The following TRAPPC11 variants were observed in gnomAD, a reference collection of about 807,000 sequenced individuals.
TRAPPC11 encodes the protein foie gras homolog.
TRAPPC11 carries 104 observed loss-of-function variants against 151.2 expected under a neutral mutation model. The observed-to-expected ratio is 0.69, with a 90% CI of 0.59 to 0.81. The LOEUF (loss-of-function observed/expected upper bound fraction) is 0.81, where lower values mean the gene tolerates loss of function less well. TRAPPC11 is among the 30% of genes least tolerant of loss of function. The pLI, the probability that TRAPPC11 is intolerant of heterozygous loss-of-function variation, is 0.00. For missense variants in TRAPPC11, 1,230 were observed against 1,349.6 expected (o/e 0.91, Z 1.39); for synonymous variants, 456 against 472.3 (o/e 0.97, Z 0.45).
intron 29 of TRAPPC11, among the ~76,000 whole-genome samples, chr4:183,709,097 A>G (rs1403282068): frequency 6.6e-6 from 1 of 152,132 alleles, no homozygotes; most frequent in East Asian, 1.9e-4. Context: ...AATTTAGCTC[A>G]GCAGCCCACC....
intron 4 of TRAPPC11, 38 bp from the exon 5 acceptor site, chr4:183,667,965 T>C (rs766794406): frequency 7.9e-7 from 1 of 1,271,860 alleles, no homozygotes. Flanking sequence ...ACATTAGTTA[T>C]TTTATTTCTC....
intron 5 of TRAPPC11, among the ~76,000 whole-genome samples, chr4:183,671,242 A>T (rs1460474168): frequency 6.6e-6 from 1 of 152,220 alleles, no homozygotes; most frequent in Admixed American, 6.5e-5. Flanking sequence ...GTTGTTAAAA[A>T]TACAAAACGA....
rs1561069723 is a variant in TRAPPC11 at position 183,712,864 on chromosome 4, A to G, written c.*220A>G. ...ATATCTGAAATCTCAGTACGACATG[A>G]AAGAATGTCAGACCATTGTTATTGT... is the stretch of plus-strand genomic sequence containing the variant. On this transcript the variant is annotated 3_prime_UTR_variant, in exon 30 of 30. Coordinates refer to ENST00000334690, the MANE Select transcript of TRAPPC11 (RefSeq NM_021942.6). The G allele has an allele frequency of 6.3e-6, 3 of 477,056 alleles. No homozygotes were observed. Among genetic ancestry groups the G allele is most frequent in the Non-Finnish European group, 3.7e-6 (1 of 271,328 alleles). 29.6% of individuals were successfully genotyped at this position (477,056 alleles called of 1,614,324 possible). A position where few individuals can be genotyped will look rare whatever the true frequency, so the allele number is the denominator to read the frequency against.
chr4:183,705,584 C>G (rs1055466121), intron 27 of TRAPPC11, among the ~76,000 whole-genome samples: 4 of 152,118 alleles, frequency 2.6e-5, no homozygotes, highest in African/African-American at 9.7e-5. Flanking sequence ...CTTCCAATAC[C>G]GCTTTCTCTA....
At position 183,708,528 on chromosome 4, in the gene TRAPPC11, C is replaced by G; in HGVS notation, c.3311C>G (p.Thr1104Arg). Residue 1104 changes from threonine (T) to arginine (R), a missense_variant, in exon 29 of 30, where the codon ACA becomes AGA. Coordinates refer to ENST00000334690, the MANE Select transcript of TRAPPC11 (RefSeq NM_021942.6). ...NINLLRFPNF[T>R]NQLLRRFIPT... ...AACTTGCTTAGATTTCCTAACTTCACAAATCAGCTGCTCAGGCGTTTTATA... is the reference window on the plus strand; with the variant it reads ...AACTTGCTTAGATTTCCTAACTTCAGAAATCAGCTGCTCAGGCGTTTTATA... The G allele has an allele frequency of 6.2e-7, 1 of 1,614,108 alleles. No homozygotes were observed. The highest frequency in any genetic ancestry group is 8.5e-7 in the Non-Finnish European group (1 of 1,179,980).
At chr4:183,686,966 G>A (rs1301957007) in intron 18 of TRAPPC11, among the ~76,000 whole-genome samples, 3 of 152,106 alleles carry the variant, frequency 2.0e-5, no homozygotes, top group African/African-American at 7.2e-5. Context: ...AGATCACAAG[G>A]TCAAGAGATC....
At position 183,668,940 on chromosome 4, in the gene TRAPPC11, G is replaced by A. The variant is rs1735014671; in HGVS notation, c.560+823G>A. ...CTCATGAACAGTTTTATTTATTTTTGAGTATTGCTTCTCTTGCATTTGTTT... is the reference window on the plus strand; with the variant it reads ...CTCATGAACAGTTTTATTTATTTTTAAGTATTGCTTCTCTTGCATTTGTTT... On this transcript the variant is annotated intron_variant, in intron 5 of 29. Transcript: ENST00000334690. Among the ~76,000 whole-genome samples the A allele has an allele frequency of 3.3e-5, 5 of 152,070 alleles. 1 individual carries two copies. The South Asian group carries it at 1.0e-3, about 32-fold the overall frequency.
At position 183,685,066 on chromosome 4, in the gene TRAPPC11, CTTCT is replaced by C. The variant is rs1262158905; in HGVS notation, c.1568-12_1568-9del. 1.0e-5 allele frequency: 16 copies of C among 1,607,730 alleles called. No individual in the cohort carries two copies. The highest frequency in any genetic ancestry group is 7.8e-5 in the South Asian group (7 of 90,078). Reference sequence around the variant, plus strand: ...ATTATAAGTACTTAAAATGTTTTTCCTTCTTTCTTCATACTAGCTTCAACTCTGA... The same window carrying C: ...ATTATAAGTACTTAAAATGTTTTTCCTTCTTCATACTAGCTTCAACTCTGA... On this transcript the variant is annotated splice_polypyrimidine_tract_variant and intron_variant, in intron 15 of 29. Coordinates refer to ENST00000334690, the MANE Select transcript of TRAPPC11 (RefSeq NM_021942.6).
chr4:183,682,806 A>C lies in TRAPPC11; in HGVS notation c.1188A>C (p.Ser396=). 1 of 1,613,292 alleles carries C rather than the reference A, an allele frequency of 6.2e-7. No homozygotes were observed. The highest frequency in any genetic ancestry group is 8.5e-7 in the Non-Finnish European group (1 of 1,179,262). The change falls in exon 11 of 30, where the codon TCA becomes TCC. Residue 396 remains serine (S), a synonymous_variant. Coordinates refer to ENST00000334690, the MANE Select transcript of TRAPPC11 (RefSeq NM_021942.6). ...TTCTTGACTTTTATGGACAAAGATC[A>C]TGGCGACAAGGAATACTAAGTAAAT... ...TGVLDFYGQR[S]WRQGILSFDL...
At chr4:183,686,890 T>C (rs1322029759) in intron 18 of TRAPPC11, 142 bp downstream of exon 18, 12 of 1,025,480 alleles carry the variant, frequency 1.2e-5, no homozygotes, top group African/African-American at 4.8e-5. Context: ...TTCAAAAATA[T>C]ATCTCCAGGG....
rs1735560636 is a variant in TRAPPC11, at chr4:183,679,332, G to C, written c.832-21G>C. 5.2e-6 allele frequency: 8 copies of C among 1,527,270 alleles called. No homozygotes were observed. In the South Asian group the frequency reaches 1.0e-4, roughly 20 times the overall value. The allele number at this position is 1,527,270 out of a possible 1,614,324, so 94.6% of individuals were successfully genotyped here. Reference sequence around the variant, plus strand: ...ACTTTCTTTTTTTCCTTTATTTTGGGATCAATTTTACATTTTGCAGATCTG... The same window carrying C: ...ACTTTCTTTTTTTCCTTTATTTTGGCATCAATTTTACATTTTGCAGATCTG... On this transcript the variant is annotated intron_variant, in intron 8 of 29. Coordinates refer to ENST00000334690, the MANE Select transcript of TRAPPC11 (RefSeq NM_021942.6).
chr4:183,667,053 A>T lies in TRAPPC11; in HGVS notation c.375-7A>T, dbSNP rs758790469. 6.3e-7 allele frequency: 1 copy of T among 1,589,276 alleles called. No individual in the cohort carries two copies. The highest frequency in any genetic ancestry group is 8.6e-7 in the Non-Finnish European group (1 of 1,163,790). ...TAATTAATTTTATTCTTGCTTTTTC[A>T]TTGCAGGCAAAGTTTACAAGGAAGA... On this transcript the variant is annotated splice_region_variant and splice_polypyrimidine_tract_variant and intron_variant, in intron 3 of 29. Transcript: ENST00000334690.
Position 183,686,719 on chromosome 4 carries a change from TC to T in TRAPPC11, c.1866del (p.Lys623SerfsTer16). The T allele has an allele frequency of 6.2e-7, 1 of 1,614,160 alleles. No homozygotes were observed. The highest frequency in any genetic ancestry group is 1.1e-5 in the South Asian group (1 of 91,080). On this transcript the variant is annotated frameshift_variant, in exon 18 of 30. Transcript: ENST00000334690. LOFTEE classifies it high-confidence loss of function. Reference protein sequence around the residue: ...KADCPHPIRFSKLCVSFNNQE... With the variant: ...KADCPHPIRFXKLCVSFNNQE... Reference sequence around the variant, plus strand: ...TGATTGTCCACATCCCATTAGGTTTTCCAAGCTCTGTGTCAGCTTTAATAAT... The same window carrying T: ...TGATTGTCCACATCCCATTAGGTTTTCAAGCTCTGTGTCAGCTTTAATAAT...
intron 5 of TRAPPC11, among the ~76,000 whole-genome samples, chr4:183,673,896 T>G (rs1246255533): frequency 2.6e-5 from 4 of 152,222 alleles, no homozygotes; most frequent in African/African-American, 9.6e-5. Context: ...TTCTTGTTCC[T>G]ATGTAAGTTA....
intron 5 of TRAPPC11, among the ~76,000 whole-genome samples, chr4:183,671,665 G>C (rs1444923338): frequency 6.6e-6 from 1 of 152,186 alleles, no homozygotes; most frequent in Non-Finnish European, 1.5e-5. Flanking sequence ...TAACTTAGAA[G>C]CTAGAATGTC....
intron 25 of TRAPPC11, chr4:183,700,714 T>C (rs1323162430): frequency 2.0e-5 from 3 of 152,218 alleles, no homozygotes; most frequent in Admixed American, 2.0e-4. Flanking sequence ...CCTGAAGTGT[T>C]TGGTACTAGA....
chr4:183,666,128 G>T, intron 2 of TRAPPC11, 129 bp from the exon 3 acceptor site: 1 of 745,854 alleles, frequency 1.3e-6, no homozygotes, highest in Middle Eastern at 4.1e-4. Flanking sequence ...CTGTAAGCCT[G>T]AGTTTCCTAA....
At chr4:183,662,750 TTATATTTTTCTTTCAA>T (rs1426951797) in intron 1 of TRAPPC11, among the ~76,000 whole-genome samples, 3 of 152,138 alleles carry the variant, frequency 2.0e-5, no homozygotes, top group Admixed American at 1.3e-4. Flanking sequence ...TGTTTTTCTT[TTATATTTTTCTTTCAA>T]TATATTTTTC....
chr4:183,661,369 T>C, intron 1 of TRAPPC11, among the ~76,000 whole-genome samples: 2 of 134,998 alleles, frequency 1.5e-5, no homozygotes, highest in South Asian at 4.9e-4. Flanking sequence ...ACCTTTTTTT[T>C]TTTTTTTTTT....
Sources: gnomAD v4.1 joint callset for allele counts (sites outside exome capture counted in the v4.1 genomes callset) on GRCh38, gnomAD v4.1.1 for gene constraint, MANE v1.5 for transcripts, NCBI Gene and HGNC (gene_info 2026-07-23, HGNC 2026-07-21) for gene names.